Variants in CEP57 observed in about 807,000 individuals in gnomAD.
CEP57 encodes the protein centrosomal protein of 57 kDa.
Under a neutral mutation model 68.0 loss-of-function variants are expected in CEP57, and 40 were observed. The observed-to-expected ratio is 0.59, with a 90% CI of 0.46 to 0.77. CEP57 has a LOEUF of 0.77. Ranked by LOEUF, CEP57 falls within the 30% of genes least tolerant of loss-of-function variation. The pLI is 0.00. For missense variants in CEP57, 606 were observed against 580.7 expected, an observed-to-expected ratio of 1.04 and a Z score of -0.45; for synonymous variants, 219 against 198.7, an observed-to-expected ratio of 1.10 and a Z score of -0.86.
intron 1 of CEP57, among the ~76,000 whole-genome samples, chr11:95,797,981 T>A (rs1861420547): frequency 6.6e-6 from 1 of 152,196 alleles, no homozygotes; most frequent in Non-Finnish European, 1.5e-5. Flanking sequence ...TGCAAGACCT[T>A]TGACAATATT....
chr11:95,795,326 A>G (rs1030382417), intron 1 of CEP57, among the ~76,000 whole-genome samples: 1 of 152,098 alleles, frequency 6.6e-6, no homozygotes, highest in African/African-American at 2.4e-5. Context: ...ATTGTGTGAT[A>G]TATATTTTCA....
At chr11:95,799,486 A>G (rs1861484720) in intron 2 of CEP57, 98 bp downstream of exon 2, 3 of 1,425,778 alleles carry the variant, frequency 2.1e-6, no homozygotes, top group African/African-American at 2.8e-5. Flanking sequence ...AGGAAAATAT[A>G]TTTCCCCTTT....
chr11:95,791,152 G>C (rs939649144), intron 1 of CEP57, among the ~76,000 whole-genome samples: 1 of 152,148 alleles, frequency 6.6e-6, no homozygotes, highest in Non-Finnish European at 1.5e-5. Context: ...AGACGTTGCA[G>C]AATAGTAGTC....
intron 2 of CEP57, among the ~76,000 whole-genome samples, chr11:95,805,494 A>G (rs1473618311): frequency 6.6e-6 from 1 of 152,200 alleles, no homozygotes; most frequent in East Asian, 1.9e-4. Context: ...TGAGACCTGT[A>G]ATATCCTAGG....
At chr11:95,822,161 AATAT>A in intron 7 of CEP57, 183 bp downstream of exon 7, 1 of 617,600 alleles carries the variant, frequency 1.6e-6, no homozygotes, top group South Asian at 1.9e-5. Context: ...ATAGTGAGAA[AATAT>A]ATAAGCATTT....
chr11:95,795,104 C>T (rs957237419), intron 1 of CEP57, among the ~76,000 whole-genome samples: 10 of 152,098 alleles, frequency 6.6e-5, no homozygotes, highest in African/African-American at 2.2e-4. Flanking sequence ...TGGTCCTTTG[C>T]TTTTCTTCAG....
intron 10 of CEP57, among the ~76,000 whole-genome samples, chr11:95,830,309 C>A (rs1472767150): frequency 1.3e-5 from 2 of 152,146 alleles, no homozygotes; most frequent in Admixed American, 6.5e-5. Flanking sequence ...CTTTTCAACT[C>A]TAAAACTTTG....
chr11:95,820,397 G>C (rs560881633), intron 6 of CEP57, among the ~76,000 whole-genome samples: 11 of 151,864 alleles, frequency 7.2e-5, no homozygotes, highest in Non-Finnish European at 1.6e-4. Flanking sequence ...TCAGGAGTTT[G>C]AGCCTGACCA....
At chr11:95,809,973 C>G (rs1861980620) in intron 2 of CEP57, among the ~76,000 whole-genome samples, 1 of 152,170 alleles carries the variant, frequency 6.6e-6, no homozygotes, top group Non-Finnish European at 1.5e-5. Flanking sequence ...CAAACCGAAT[C>G]CAGCAGCACA....
chr11:95,805,811 CAA>C (rs562474877), intron 2 of CEP57, among the ~76,000 whole-genome samples: 132 of 152,056 alleles, frequency 8.7e-4, no homozygotes, highest in Non-Finnish European at 1.6e-3. Flanking sequence ...GTGTATGTAA[CAA>C]AGAGTTACAG....
chr11:95,790,550 G>T lies in CEP57; in HGVS notation c.-149G>T. The T allele has an allele frequency of 1.1e-6, 1 of 894,864 alleles. No individual in the cohort carries two copies. Among genetic ancestry groups the T allele is most frequent in the Non-Finnish European group, 1.8e-6 (1 of 568,502 alleles). The allele number at this position is 894,864 out of a possible 1,614,324, so 55.4% of individuals were successfully genotyped here. A position where few individuals can be genotyped will look rare whatever the true frequency, so the allele number is the denominator to read the frequency against. ...GGCCCTGAGGGGGTGTGTTGCAGGG[G>T]TTTCCAAGCCCAGCACCAGCACCCT... is the stretch of plus-strand genomic sequence containing the variant. On this transcript the variant is annotated 5_prime_UTR_variant, in exon 1 of 11. Coordinates refer to ENST00000325542, the MANE Select transcript of CEP57 (RefSeq NM_014679.5).
chr11:95,801,009 G>T (rs917764761), intron 2 of CEP57, among the ~76,000 whole-genome samples: 1 of 152,050 alleles, frequency 6.6e-6, no homozygotes, highest in Non-Finnish European at 1.5e-5. Context: ...CTAGGTAAAA[G>T]AAATATTTTT....
intron 7 of CEP57, 118 bp from the exon 8 acceptor site, chr11:95,822,381 C>A (rs1590952300): frequency 1.3e-6 from 1 of 758,424 alleles, no homozygotes; most frequent in African/African-American, 1.7e-5. Context: ...ATAATGCCAA[C>A]TATAGATAAG....
chr11:95,822,401 A>G, intron 7 of CEP57, 98 bp from the exon 8 acceptor site: 1 of 850,648 alleles, frequency 1.2e-6, no homozygotes, highest in Non-Finnish European at 1.9e-6. Flanking sequence ...GGCAAGTAGT[A>G]GCCTAGTAGT....
rs974481023 is a variant in CEP57, at chr11:95,799,234, C to T, written c.48C>T (p.Asn16=). The change falls in exon 2 of 11, where the codon AAC becomes AAT. Residue 16 remains asparagine (N), a splice_region_variant and synonymous_variant. Coordinates refer to ENST00000325542, the MANE Select transcript of CEP57 (RefSeq NM_014679.5). Reference sequence around the variant, plus strand: ...TAATTTGTGTCTTTATTTTTTAGAACAGCTTTGCTGAGCCATCAAGGTCTA... The same window carrying T: ...TAATTTGTGTCTTTATTTTTTAGAATAGCTTTGCTGAGCCATCAAGGTCTA... ...VSAASGSHLS[N]SFAEPSRSNG... 8.1e-6 allele frequency: 13 copies of T among 1,613,848 alleles called. No individual in the cohort carries two copies. The Admixed American group carries it at 1.3e-4, about 17-fold the overall frequency.
At chr11:95,802,697 C>CA (rs1861632610) in intron 2 of CEP57, among the ~76,000 whole-genome samples, 1 of 152,088 alleles carries the variant, frequency 6.6e-6, no homozygotes, top group African/African-American at 2.4e-5. Flanking sequence ...GAATTTTACC[C>CA]AACATTGCTT....
chr11:95,829,704 C>G (rs534497), intron 10 of CEP57, among the ~76,000 whole-genome samples: 42,230 of 152,006 alleles, frequency 0.28, 7,045 homozygotes, highest in Non-Finnish European at 0.38. Context: ...ATTTATGTTG[C>G]TAATCATTTT....
At chr11:95,799,473 T>A in intron 2 of CEP57, 85 bp downstream of exon 2, 1 of 1,505,894 alleles carries the variant, frequency 6.6e-7, no homozygotes, top group Non-Finnish European at 9.2e-7. Flanking sequence ...ATTTTGCCAT[T>A]AGAGGAAAAT....
chr11:95,792,650 T>C (rs1225413003), intron 1 of CEP57, among the ~76,000 whole-genome samples: 1 of 152,218 alleles, frequency 6.6e-6, no homozygotes, highest in Non-Finnish European at 1.5e-5. Context: ...AAGCTCAGCT[T>C]TAATAGGATT....
Sources: allele counts gnomAD v4.1 joint callset (sites outside exome capture counted in the v4.1 genomes callset), GRCh38; gene constraint gnomAD v4.1.1; transcripts MANE v1.5; gene names NCBI Gene and HGNC (gene_info 2026-07-23, HGNC 2026-07-21).